The following PCDHA9 variants were observed in gnomAD, a reference collection of about 807,000 sequenced individuals.
PCDHA9 encodes the protein protocadherin alpha 9.
In PCDHA9, 62 loss-of-function variants were observed where a neutral mutation model predicts 62.0. The observed-to-expected ratio is 1.00, with a 90% CI of 0.81 to 1.23. PCDHA9 has a LOEUF of 1.23. PCDHA9 is among the 50% of genes most tolerant of loss of function. The probability of loss-of-function intolerance (pLI) is 0.00; values close to 1 mark genes in which losing one functional copy is unlikely to be tolerated. For missense variants in PCDHA9, 1,205 were observed against 1,249.8 expected (o/e 0.96, Z 0.54); for synonymous variants, 557 against 567.6 (o/e 0.98, Z 0.27).
chr5:140,940,988 T>G (rs2092713422), intron 1 of PCDHA9, among the ~76,000 whole-genome samples: 1 of 152,206 alleles, frequency 6.6e-6, no homozygotes, highest in African/African-American at 2.4e-5. Flanking sequence ...AGTTACAAGT[T>G]TATAGGATTA....
chr5:140,899,531 CA>C (rs2067387177), intron 1 of PCDHA9, among the ~76,000 whole-genome samples: 1 of 152,140 alleles, frequency 6.6e-6, no homozygotes, highest in Non-Finnish European at 1.5e-5. Context: ...GGATGAAGCC[CA>C]CTTGATCATG....
At chr5:140,926,575 C>T in intron 1 of PCDHA9, 1 of 273,448 alleles carries the variant, frequency 3.7e-6, no homozygotes, top group Non-Finnish European at 6.8e-6. Flanking sequence ...CTGGAGACAG[C>T]ACCTCTCGCG....
chr5:140,856,947 A>C (rs1486886568), intron 1 of PCDHA9: 2 of 1,592,142 alleles, frequency 1.3e-6, no homozygotes, highest in Non-Finnish European at 1.7e-6. Context: ...AGGACGGGAG[A>C]AATAAAAGTA....
In PCDHA9 at chr5:140,967,289, C is replaced by A. The variant is rs782440125; in HGVS notation, c.2395-11660C>A. ...CTTTCACATAGAGAGTGCGCAGGAC[C>A]CCGACGTGGGCGCCAACTCAGTACA... On this transcript the variant is annotated intron_variant, in intron 1 of 3. Transcript: ENST00000532602. 3 of 1,612,910 alleles carry A rather than the reference C, an allele frequency of 1.9e-6. No homozygotes were observed. The East Asian group carries it at 6.7e-5, about 36-fold the overall frequency.
At chr5:140,985,086 T>C (rs564487119) in intron 3 of PCDHA9, among the ~76,000 whole-genome samples, 1 of 152,000 alleles carries the variant, frequency 6.6e-6, no homozygotes, top group Non-Finnish European at 1.5e-5. Context: ...TACAGGCGTG[T>C]GCCACCAAGC....
chr5:140,934,612 T>G (rs2089946859), intron 1 of PCDHA9, among the ~76,000 whole-genome samples: 1 of 152,184 alleles, frequency 6.6e-6, no homozygotes, highest in South Asian at 2.1e-4. Flanking sequence ...TTGATTAGCC[T>G]GAGGTACAGT....
chr5:140,862,988 C>A (rs1554157382), intron 1 of PCDHA9: 6 of 546,930 alleles, frequency 1.1e-5, no homozygotes, highest in Non-Finnish European at 2.2e-5. Context: ...GGCGAAGGTG[C>A]GCACGGTGGA....
intron 1 of PCDHA9, chr5:140,870,954 G>T (rs1202889647): frequency 1.9e-6 from 3 of 1,613,514 alleles, no homozygotes; most frequent in African/African-American, 1.3e-5. Context: ...CGGGCGGCTC[G>T]CGCATCCCGT....
At chr5:140,942,541 G>C (rs1241528363) in intron 1 of PCDHA9, among the ~76,000 whole-genome samples, 1 of 152,056 alleles carries the variant, frequency 6.6e-6, no homozygotes, top group African/African-American at 2.4e-5. Context: ...CAGTATGGTG[G>C]GGGGTAGGGG....
chr5:141,002,090 A>G (rs1554258504), intron 3 of PCDHA9, among the ~76,000 whole-genome samples: 1 of 152,254 alleles, frequency 6.6e-6, no homozygotes, highest in Non-Finnish European at 1.5e-5. Context: ...CGAGCAGTCC[A>G]GGGGCTGGGC....
chr5:140,927,191 T>TG, intron 1 of PCDHA9: 1 of 1,614,144 alleles, frequency 6.2e-7, no homozygotes, highest in East Asian at 2.2e-5. Flanking sequence ...TACGACCTGG[T>TG]GCTCGAGGAC....
intron 3 of PCDHA9, among the ~76,000 whole-genome samples, chr5:141,007,994 T>G (rs1339008337): frequency 5.9e-5 from 9 of 152,262 alleles, no homozygotes. Flanking sequence ...GAAATGTACA[T>G]GTTAATAAAC....
chr5:140,926,629 G>A, intron 1 of PCDHA9: 1 of 406,364 alleles, frequency 2.5e-6, no homozygotes, highest in African/African-American at 2.1e-5. Context: ...GCGGCGCTGC[G>A]CTCCTCAACA....
At chr5:140,893,150 A>T (rs1398784015) in intron 1 of PCDHA9, among the ~76,000 whole-genome samples, 2 of 152,066 alleles carry the variant, frequency 1.3e-5, no homozygotes, top group African/African-American at 4.8e-5. Flanking sequence ...TCATCTGTTG[A>T]TGGATATTGA....
intron 3 of PCDHA9, among the ~76,000 whole-genome samples, chr5:141,008,980 A>C (rs533099581): frequency 6.6e-6 from 1 of 152,374 alleles, no homozygotes; most frequent in African/African-American, 2.4e-5. Context: ...GCCAAAGTTT[A>C]ATCTAGACAC....
At chr5:140,906,609 T>C (rs376857630) in intron 1 of PCDHA9, among the ~76,000 whole-genome samples, 2 of 152,348 alleles carry the variant, frequency 1.3e-5, no homozygotes, top group East Asian at 3.9e-4. Flanking sequence ...TCATTCTGTA[T>C]TCCCTTTGCC....
intron 1 of PCDHA9, chr5:140,858,495 G>A (rs2045450784): frequency 6.7e-7 from 1 of 1,481,628 alleles, no homozygotes; most frequent in East Asian, 2.5e-5. Flanking sequence ...TTCTCTTACC[G>A]CATTTTCTCA....
intron 1 of PCDHA9, chr5:140,867,381 A>C (rs2049925984): frequency 6.6e-6 from 1 of 152,184 alleles, no homozygotes; most frequent in African/African-American, 2.4e-5. Context: ...AATGGAATTA[A>C]CGGTTATAAA....
chr5:140,931,544 A>G (rs1276156656), intron 1 of PCDHA9, among the ~76,000 whole-genome samples: 1 of 152,048 alleles, frequency 6.6e-6, no homozygotes, highest in Non-Finnish European at 1.5e-5. Context: ...TATACTGTTC[A>G]TATGTGCAGG....
Sources: allele counts gnomAD v4.1 joint callset (sites outside exome capture counted in the v4.1 genomes callset), GRCh38; gene constraint gnomAD v4.1.1; transcripts MANE v1.5; gene names NCBI Gene and HGNC (gene_info 2026-07-23, HGNC 2026-07-21).